IPO11: variants seen among roughly 807,000 people sequenced by gnomAD.
IPO11 encodes importin-11.
In IPO11, 66 loss-of-function variants were observed where a neutral mutation model predicts 143.2. The observed-to-expected ratio is 0.46, with a 90% CI of 0.38 to 0.57. IPO11 has a LOEUF of 0.57. Ranked by LOEUF, IPO11 falls within the 20% of genes least tolerant of loss-of-function variation. The probability of loss-of-function intolerance (pLI) is 0.00; values close to 1 mark genes in which losing one functional copy is unlikely to be tolerated. For synonymous variants in IPO11, 385 were observed against 377.8 expected (o/e 1.02, Z -0.22); for missense variants, 1,026 against 1,141.0 (o/e 0.90, Z 1.45).
intron 19 of IPO11, among the ~76,000 whole-genome samples, chr5:62,508,188 G>A (rs951761590): frequency 3.9e-5 from 6 of 151,952 alleles, no homozygotes; most frequent in African/African-American, 4.8e-5. Context: ...GTGCAGTGGC[G>A]CATCTCAGCT....
rs778365116 is a variant in IPO11, at chr5:62,603,018, A to C, written c.2763+1170A>C. On this transcript the variant is annotated intron_variant, in intron 29 of 29. Coordinates refer to ENST00000325324, the MANE Select transcript of IPO11 (RefSeq NM_016338.5). Reference sequence around the variant, plus strand: ...CCCCCAAAACAATGTTTGTACATATAATAAGTCCTCATTTAACATCATTGA... The same window carrying C: ...CCCCCAAAACAATGTTTGTACATATCATAAGTCCTCATTTAACATCATTGA... 2.0e-4 allele frequency among the ~76,000 whole-genome samples: 30 copies of C among 152,304 alleles called. 1 individual carries two copies. The highest frequency in any genetic ancestry group is 1.6e-3 in the Admixed American group (24 of 15,292).
chr5:62,550,447 T>C lies in IPO11; in HGVS notation c.2331T>C (p.Gly777=). ...CGATTTTACCCTATGTTTTCAAGGG[T>C]ATTATAGAAGGGGAGGTAAGATTTT... ...FQPILPYVFK[G]IIEGERYPVV... The change falls in exon 25 of 30, where the codon GGT becomes GGC. Residue 777 remains glycine (G), a synonymous_variant. Transcript: ENST00000325324. The C allele has an allele frequency of 6.2e-7, 1 of 1,610,196 alleles. No homozygotes were observed. The highest frequency in any genetic ancestry group is 8.5e-7 in the Non-Finnish European group (1 of 1,177,382).
intron 7 of IPO11, 67 bp downstream of exon 7, chr5:62,470,375 G>A (rs1376647872): frequency 1.5e-6 from 2 of 1,355,728 alleles, no homozygotes; most frequent in East Asian, 2.3e-5. Flanking sequence ...TTGAAAGAGT[G>A]CTCTTTTTAT....
At chr5:62,439,167 A>G (rs536591377) in intron 2 of IPO11, among the ~76,000 whole-genome samples, 8 of 151,736 alleles carry the variant, frequency 5.3e-5, no homozygotes, top group South Asian at 2.1e-4. Context: ...AATATAAAAC[A>G]CTTTCAGAAT....
chr5:62,526,102 T>C (rs1352121622), intron 20 of IPO11, 40 bp from the exon 21 acceptor site: 1 of 1,330,018 alleles, frequency 7.5e-7, no homozygotes, highest in Non-Finnish European at 1.1e-6. Flanking sequence ...GATGGGACAT[T>C]AGAGTGTCTT....
At chr5:62,520,749 A>G (rs1742176970) in intron 20 of IPO11, among the ~76,000 whole-genome samples, 1 of 152,232 alleles carries the variant, frequency 6.6e-6, no homozygotes, top group Non-Finnish European at 1.5e-5. Flanking sequence ...AATCCAGTCT[A>G]TCATTGATGG....
At chr5:62,465,242 G>A (rs1745528503) in intron 5 of IPO11, among the ~76,000 whole-genome samples, 2 of 152,154 alleles carry the variant, frequency 1.3e-5, no homozygotes. Context: ...TGATGTATGT[G>A]TTGGGAAAGC....
At chr5:62,527,332 C>T (rs919875508) in intron 21 of IPO11, among the ~76,000 whole-genome samples, 19 of 152,174 alleles carry the variant, frequency 1.2e-4, no homozygotes, top group African/African-American at 4.6e-4. Context: ...GTCACACAGT[C>T]TTTGTTGCAA....
chr5:62,540,579 C>T (rs909801753), intron 24 of IPO11, among the ~76,000 whole-genome samples: 12 of 152,178 alleles, frequency 7.9e-5, no homozygotes, highest in African/African-American at 2.2e-4. Flanking sequence ...TTAGAGGGAG[C>T]GTAGCATAGC....
At chr5:62,436,217 G>C (rs1166216088) in intron 1 of IPO11, among the ~76,000 whole-genome samples, 1 of 152,066 alleles carries the variant, frequency 6.6e-6, no homozygotes, top group Non-Finnish European at 1.5e-5. Flanking sequence ...ATTTCTTGTT[G>C]AATCAACATT....
intron 24 of IPO11, among the ~76,000 whole-genome samples, chr5:62,543,228 T>C (rs1416977199): frequency 6.6e-6 from 1 of 152,160 alleles, no homozygotes; most frequent in Non-Finnish European, 1.5e-5. Flanking sequence ...TTCACAAAAG[T>C]TTTAAGAACA....
intron 7 of IPO11, among the ~76,000 whole-genome samples, chr5:62,471,611 A>G (rs1745775410): frequency 1.3e-5 from 2 of 152,328 alleles, no homozygotes; most frequent in Non-Finnish European, 2.9e-5. Context: ...AAATGGGATC[A>G]TATTTACATG....
chr5:62,576,755 C>T (rs1397159302), intron 27 of IPO11, among the ~76,000 whole-genome samples: 1 of 152,196 alleles, frequency 6.6e-6, no homozygotes, highest in South Asian at 2.1e-4. Flanking sequence ...TGCACTCCAA[C>T]CCAGCCGACA....
At chr5:62,588,847 C>T (rs2112422939) in intron 27 of IPO11, among the ~76,000 whole-genome samples, 2 of 152,310 alleles carry the variant, frequency 1.3e-5, no homozygotes, top group South Asian at 4.1e-4. Flanking sequence ...ACCTCACTGC[C>T]ATTGAGCAAT....
chr5:62,527,123 T>G (rs1301827496), intron 21 of IPO11, among the ~76,000 whole-genome samples: 1 of 152,248 alleles, frequency 6.6e-6, no homozygotes, highest in Non-Finnish European at 1.5e-5. Context: ...TAGATACTTA[T>G]TAATTTGTGG....
At chr5:62,423,975 A>G (rs1019388010) in intron 1 of IPO11, among the ~76,000 whole-genome samples, 1 of 152,030 alleles carries the variant, frequency 6.6e-6, no homozygotes, top group Admixed American at 6.6e-5. Flanking sequence ...CCCCAGTGAT[A>G]TATTTTCTGC....
At chr5:62,413,208 A>G (rs1743177603) in intron 1 of IPO11, among the ~76,000 whole-genome samples, 1 of 152,098 alleles carries the variant, frequency 6.6e-6, no homozygotes, top group Non-Finnish European at 1.5e-5. Context: ...AGGCGAGTGT[A>G]CCCATCGTGA....
At chr5:62,481,745 G>C (rs1457502089) in intron 9 of IPO11, among the ~76,000 whole-genome samples, 1 of 151,640 alleles carries the variant, frequency 6.6e-6, no homozygotes, top group Non-Finnish European at 1.5e-5. Context: ...CAGGGATATT[G>C]GTCTCTTTTT....
chr5:62,514,839 A>C (rs1224067334), intron 19 of IPO11, among the ~76,000 whole-genome samples: 2 of 152,216 alleles, frequency 1.3e-5, no homozygotes, highest in Admixed American at 1.3e-4. Context: ...TAGTGAGCTT[A>C]GCAATTTTAT....
Sources: gnomAD v4.1 joint callset for allele counts (sites outside exome capture counted in the v4.1 genomes callset) on GRCh38, gnomAD v4.1.1 for gene constraint, MANE v1.5 for transcripts, NCBI Gene and HGNC (gene_info 2026-07-23, HGNC 2026-07-21) for gene names.